Variants in KDM4C observed in about 807,000 individuals in gnomAD.
KDM4C encodes the protein lysine-specific demethylase 4C.
KDM4C carries 81 observed loss-of-function variants against 129.3 expected under a neutral mutation model. That is an observed-to-expected ratio of 0.63 (90% CI 0.52 to 0.75). The LOEUF is 0.75. KDM4C is among the 30% of genes least tolerant of loss of function. KDM4C has a pLI of 0.00. For synonymous variants in KDM4C, 573 were observed against 456.1 expected (o/e 1.26, Z -3.26); for missense variants, 1,457 against 1,304.0 (o/e 1.12, Z -1.81).
chr9:6,933,968 G>A (rs1460268479), intron 8 of KDM4C, among the ~76,000 whole-genome samples: 1 of 151,938 alleles, frequency 6.6e-6, no homozygotes, highest in Non-Finnish European at 1.5e-5. Flanking sequence ...TCCTGCCATA[G>A]CCTCCTGTGT....
intron 17 of KDM4C, among the ~76,000 whole-genome samples, chr9:7,052,901 G>GATTGTTGTA (rs71315575): frequency 1.3e-5 from 2 of 150,604 alleles, no homozygotes; most frequent in African/African-American, 2.4e-5. Flanking sequence ...GAGAGAGAGA[G>GATTGTTGTA]CGAGCGAGTG....
At chr9:7,023,490 T>G (rs1010833148) in intron 15 of KDM4C, among the ~76,000 whole-genome samples, 3 of 152,134 alleles carry the variant, frequency 2.0e-5, no homozygotes, top group African/African-American at 7.2e-5. Context: ...TAATGTCTCC[T>G]TTTTCATCTC....
intron 18 of KDM4C, among the ~76,000 whole-genome samples, chr9:7,110,597 G>A (rs879574710): frequency 3.3e-5 from 5 of 152,080 alleles, no homozygotes; most frequent in Non-Finnish European, 5.9e-5. Context: ...CTACGCGCTT[G>A]GATCCACAGC....
chr9:7,161,578 C>A (rs1256627824), intron 19 of KDM4C, among the ~76,000 whole-genome samples: 1 of 152,182 alleles, frequency 6.6e-6, no homozygotes, highest in African/African-American at 2.4e-5. Context: ...TCCCCCCTTG[C>A]AAGGACCCTG....
intron 17 of KDM4C, among the ~76,000 whole-genome samples, chr9:7,066,025 C>T (rs114443513): frequency 0.015 from 2,312 of 151,210 alleles, 57 homozygotes; most frequent in African/African-American, 0.052. Context: ...AATTGAGATC[C>T]GCATAAAAAT....
At chr9:6,723,441 C>G (rs1452006204) in intron 1 of KDM4C, 1 of 151,576 alleles carries the variant, frequency 6.6e-6, no homozygotes, top group Non-Finnish European at 1.5e-5. Flanking sequence ...GAAAGTAAGT[C>G]CAAAACTGTG....
At chr9:6,834,608 TC>T in intron 4 of KDM4C, 1 of 754,282 alleles carries the variant, frequency 1.3e-6, no homozygotes, top group Admixed American at 1.7e-5. Flanking sequence ...TCGGAAGGAC[TC>T]CCATGTGGGC....
intron 4 of KDM4C, among the ~76,000 whole-genome samples, chr9:6,836,588 G>C (rs991351602): frequency 6.6e-6 from 1 of 152,018 alleles, no homozygotes; most frequent in South Asian, 2.1e-4. Flanking sequence ...CCTGAATTTT[G>C]TGTTTGATTT....
At chr9:6,837,664 A>G (rs561312033) in intron 4 of KDM4C, among the ~76,000 whole-genome samples, 30 of 151,788 alleles carry the variant, frequency 2.0e-4, no homozygotes, top group African/African-American at 6.0e-4. Flanking sequence ...ACTGTCCTCT[A>G]TTTTTCTATT....
intron 7 of KDM4C, among the ~76,000 whole-genome samples, chr9:6,891,797 G>C (rs978545795): frequency 6.6e-6 from 1 of 151,994 alleles, no homozygotes; most frequent in Non-Finnish European, 1.5e-5. Flanking sequence ...CCCTCCCAGA[G>C]ATAAGTAATT....
chr9:6,748,339 C>T lies in KDM4C; in HGVS notation c.49+27342C>T, dbSNP rs899131980. On this transcript the variant is annotated intron_variant, in intron 1 of 17. Transcript: ENST00000536108. ...CCTGACCAACATGGAGAAACCCTGT[C>T]TCTACTAAAAATACAAAATTAGCCA... 3.3e-5 allele frequency among the ~76,000 whole-genome samples: 5 copies of T among 152,052 alleles called. No individual in the cohort carries two copies. The South Asian group carries it at 1.0e-3, about 31-fold the overall frequency.
At chr9:7,092,196 A>C (rs1364825276) in intron 17 of KDM4C, among the ~76,000 whole-genome samples, 1 of 152,148 alleles carries the variant, frequency 6.6e-6, no homozygotes, top group Non-Finnish European at 1.5e-5. Context: ...TTTATAGAGC[A>C]CTTCTGTATC....
intron 21 of KDM4C, chr9:7,170,356 G>A: frequency 9.9e-7 from 1 of 1,012,980 alleles, no homozygotes; most frequent in African/African-American, 1.7e-5. Context: ...ACTGATGTTT[G>A]TGTCAGTTCA....
intron 17 of KDM4C, among the ~76,000 whole-genome samples, chr9:7,060,770 G>C (rs1400031288): frequency 6.6e-6 from 1 of 152,090 alleles, no homozygotes; most frequent in African/African-American, 2.4e-5. Context: ...GTGAGCCACT[G>C]TGCCTGGCCA....
chr9:6,733,614 G>C (rs754037872), intron 1 of KDM4C, among the ~76,000 whole-genome samples: 4 of 152,220 alleles, frequency 2.6e-5, no homozygotes, highest in Non-Finnish European at 5.9e-5. Context: ...TTACAGGAAA[G>C]GGGTCCCGAT....
At chr9:6,871,848 G>A (rs1368742352) in intron 5 of KDM4C, among the ~76,000 whole-genome samples, 3 of 152,130 alleles carry the variant, frequency 2.0e-5, no homozygotes, top group Non-Finnish European at 2.9e-5. Context: ...TAGAACTCAA[G>A]ACCTATCAAG....
At chr9:6,827,270 A>G (rs1006179624) in intron 4 of KDM4C, among the ~76,000 whole-genome samples, 2 of 152,246 alleles carry the variant, frequency 1.3e-5, no homozygotes, top group Non-Finnish European at 2.9e-5. Flanking sequence ...AAGAAATTGA[A>G]TTAACTGCTC....
chr9:7,052,895 G>GAGAGAGAGAGAGAGAGCA (rs1830374845), intron 17 of KDM4C, among the ~76,000 whole-genome samples: 1 of 10,046 alleles, frequency 1.0e-4, no homozygotes, highest in African/African-American at 5.8e-4. Flanking sequence ...GAGAGAGAGA[G>GAGAGAGAGAGAGAGAGCA]AGAGAGCGAG....
chr9:6,988,079 C>T (rs925400871), intron 11 of KDM4C, among the ~76,000 whole-genome samples: 3 of 143,764 alleles, frequency 2.1e-5, no homozygotes, highest in Non-Finnish European at 4.5e-5. Flanking sequence ...CACTCGAGCT[C>T]AGGAATTCAA....
Sources: allele counts gnomAD v4.1 joint callset (sites outside exome capture counted in the v4.1 genomes callset), GRCh38; gene constraint gnomAD v4.1.1; transcripts MANE v1.5; gene names NCBI Gene and HGNC (gene_info 2026-07-23, HGNC 2026-07-21).